The following SCGB2B2 variants were observed in gnomAD, a reference collection of about 807,000 sequenced individuals.
SCGB2B2 encodes the protein secretoglobin-like protein.
SCGB2B2 carries 11 observed loss-of-function variants against 7.6 expected under a neutral mutation model. That is an observed-to-expected ratio of 1.45 (90% CI 0.91 to 2.40). SCGB2B2 has a LOEUF of 2.40. Among genes scored for constraint, SCGB2B2 ranks in the 30% most tolerant of loss-of-function variants. SCGB2B2 has a pLI of 0.00. For missense variants in SCGB2B2, 104 were observed against 115.4 expected, an observed-to-expected ratio of 0.90 and a Z score of 0.45; for synonymous variants, 50 against 48.6, an observed-to-expected ratio of 1.03 and a Z score of -0.12.
At chr19:34,675,365 A>G (rs1004643323) in intron 1 of SCGB2B2, among the ~76,000 whole-genome samples, 27 of 152,146 alleles carry the variant, frequency 1.8e-4, no homozygotes, top group African/African-American at 5.1e-4. Flanking sequence ...TGTGGCTGCT[A>G]TAGGAATTCA....
At chr19:34,612,496 C>T (rs2065959885) in intron 1 of SCGB2B2, among the ~76,000 whole-genome samples, 1 of 152,106 alleles carries the variant, frequency 6.6e-6, no homozygotes, top group Non-Finnish European at 1.5e-5. Flanking sequence ...ACAAATAACC[C>T]AATCATATTC....
chr19:34,630,246 T>G (rs368155144), intron 1 of SCGB2B2, among the ~76,000 whole-genome samples: 1 of 151,726 alleles, frequency 6.6e-6, no homozygotes, highest in Non-Finnish European at 1.5e-5. Context: ...TGGCAACAAA[T>G]GCCAAAATTG....
At chr19:34,586,701 T>C (rs1000549179), downstream of SCGB2B2, among the ~76,000 whole-genome samples, 1 of 152,232 alleles carries the variant, frequency 6.6e-6, no homozygotes. Flanking sequence ...GCAGGTTTTG[T>C]ATTGATGTCT....
chr19:34,659,471 A>T (rs2067387821), intron 1 of SCGB2B2, among the ~76,000 whole-genome samples: 1 of 152,218 alleles, frequency 6.6e-6, no homozygotes, highest in Admixed American at 6.5e-5. Context: ...TGCAAAAATC[A>T]CAAGCATTCC....
At chr19:34,605,225 CTTAAATG>C (rs2065744598) in intron 1 of SCGB2B2, among the ~76,000 whole-genome samples, 2 of 152,152 alleles carry the variant, frequency 1.3e-5, no homozygotes, top group African/African-American at 4.8e-5. Flanking sequence ...CTTTTTGAGT[CTTAAATG>C]TTAAAAAATT....
intron 1 of SCGB2B2, among the ~76,000 whole-genome samples, chr19:34,661,305 T>TA (rs959939021): frequency 5.9e-5 from 9 of 151,646 alleles, no homozygotes; most frequent in Admixed American, 1.3e-4. Context: ...GCAATGACAT[T>TA]AAAAAAAAGA....
At chr19:34,667,313 C>T (rs2067658654) in intron 1 of SCGB2B2, among the ~76,000 whole-genome samples, 1 of 152,170 alleles carries the variant, frequency 6.6e-6, no homozygotes, top group Non-Finnish European at 1.5e-5. Context: ...AGCCTCCCAC[C>T]CCTCCCCACA....
At chr19:34,653,576 T>G (rs923297903) in intron 1 of SCGB2B2, among the ~76,000 whole-genome samples, 4 of 151,110 alleles carry the variant, frequency 2.6e-5, no homozygotes, top group Non-Finnish European at 4.4e-5. Flanking sequence ...TTCAATAACA[T>G]AGTAGAAAAC....
Position 34,593,480 on chromosome 19 carries a change from C to A in SCGB2B2, c.*75G>T. 1 of 1,165,074 alleles carries A rather than the reference C, an allele frequency of 8.6e-7. No homozygotes were observed. The highest frequency in any genetic ancestry group is 1.3e-6 in the Non-Finnish European group (1 of 799,834). The allele number at this position is 1,165,074 out of a possible 1,614,324, so 72.2% of individuals were successfully genotyped here. A position where few individuals can be genotyped will look rare whatever the true frequency, so the allele number is the denominator to read the frequency against. On this transcript the variant is annotated 3_prime_UTR_variant, in exon 4 of 4. Coordinates refer to ENST00000601241, the MANE Select transcript of SCGB2B2 (RefSeq NM_001025591.4). The stretch of plus-strand genomic sequence containing the variant: ...TCATTGGGGTCTCTGTAGTGATGAA[C>A]AGAGCCAGGCCAGGAACGCGGGGAG...
chr19:34,586,542 CAG>C (rs1329104305), downstream of SCGB2B2, among the ~76,000 whole-genome samples: 3 of 152,208 alleles, frequency 2.0e-5, no homozygotes, highest in African/African-American at 7.2e-5. Flanking sequence ...ATTATTTCTT[CAG>C]AGAGTGTTGT....
At chr19:34,618,557 GT>G (rs921749012) in intron 1 of SCGB2B2, among the ~76,000 whole-genome samples, 9 of 152,102 alleles carry the variant, frequency 5.9e-5, no homozygotes, top group Middle Eastern at 3.4e-3. Flanking sequence ...TGAACCTTTA[GT>G]TTTTTTCCCC....
chr19:34,676,864 G>A lies in SCGB2B2; in HGVS notation c.-3266C>T, dbSNP rs190632617. 6.6e-6 allele frequency: 1 copy of A among 152,290 alleles called. No homozygotes were observed. The highest frequency in any genetic ancestry group is 6.5e-5 in the Admixed American group (1 of 15,308). 9.4% of individuals were successfully genotyped at this position (152,290 alleles called of 1,614,324 possible). A position where few individuals can be genotyped will look rare whatever the true frequency, so the allele number is the denominator to read the frequency against. ...ACTGCTCTGGCTTGCATACAGAGAG[G>A]TCCATTGCCCTTTTGGGTGGGCCTA... On this transcript the variant is annotated 5_prime_UTR_variant, in exon 1 of 4. Coordinates refer to ENST00000601241, the MANE Select transcript of SCGB2B2 (RefSeq NM_001025591.4).
chr19:34,660,532 A>C (rs993630645), intron 1 of SCGB2B2, among the ~76,000 whole-genome samples: 7 of 152,266 alleles, frequency 4.6e-5, no homozygotes, highest in African/African-American at 1.7e-4. Context: ...ATATATGAAA[A>C]AATGCTCATC....
intron 1 of SCGB2B2, among the ~76,000 whole-genome samples, chr19:34,606,501 T>TTGTTC (rs2065781348): frequency 7.8e-6 from 1 of 128,052 alleles, no homozygotes; most frequent in Non-Finnish European, 1.8e-5. Context: ...AGGAAACAGG[T>TTGTTC]TTTTCTTTTC....
At chr19:34,610,192 T>C (rs1471685921) in intron 1 of SCGB2B2, among the ~76,000 whole-genome samples, 2 of 152,066 alleles carry the variant, frequency 1.3e-5, no homozygotes, top group Non-Finnish European at 2.9e-5. Context: ...CCTTTATCAG[T>C]TATAAGAGTT....
chr19:34,646,024 C>A, intron 1 of SCGB2B2: 1 of 302,830 alleles, frequency 3.3e-6, no homozygotes, highest in Non-Finnish European at 6.5e-6. Context: ...CAATGCTTTG[C>A]CTCTGTTTCA....
rs542543366 is a variant in SCGB2B2 at position 34,591,010 on chromosome 19, T to C, written c.*2545A>G. On this transcript the variant is annotated 3_prime_UTR_variant, in exon 4 of 4. Coordinates refer to ENST00000601241, the MANE Select transcript of SCGB2B2 (RefSeq NM_001025591.4). ...CTACAAGCTGAGTTTTAATTGAGAC[T>C]GAATAAGTAGCATGATCTGCATTAT... 1.3e-5 allele frequency among the ~76,000 whole-genome samples: 2 copies of C among 152,346 alleles called. No homozygotes were observed. The highest frequency in any genetic ancestry group is 1.9e-4 in the East Asian group (1 of 5,188).
chr19:34,667,904 C>G (rs896818265), intron 1 of SCGB2B2, among the ~76,000 whole-genome samples: 8 of 152,248 alleles, frequency 5.3e-5, no homozygotes, highest in African/African-American at 1.9e-4. Context: ...CAGCAAGCTC[C>G]CCCAGCTGCG....
chr19:34,627,761 C>T (rs957867096), intron 1 of SCGB2B2, among the ~76,000 whole-genome samples: 1 of 152,172 alleles, frequency 6.6e-6, no homozygotes, highest in Non-Finnish European at 1.5e-5. Context: ...CCGCTCTGCA[C>T]CAAGTGGACC....
Sources: gnomAD v4.1 joint callset for allele counts (sites outside exome capture counted in the v4.1 genomes callset) on GRCh38, gnomAD v4.1.1 for gene constraint, MANE v1.5 for transcripts, NCBI Gene and HGNC (gene_info 2026-07-23, HGNC 2026-07-21) for gene names.